The following GNAZ variants were observed in gnomAD, a reference collection of about 807,000 sequenced individuals.
GNAZ encodes guanine nucleotide-binding protein G(z) subunit alpha.
GNAZ carries 3 observed loss-of-function variants against 25.4 expected under a neutral mutation model. That is an observed-to-expected ratio of 0.12 (90% CI 0.05 to 0.30). The LOEUF (loss-of-function observed/expected upper bound fraction) is 0.30, where lower values mean the gene tolerates loss of function less well. Ranked by LOEUF, GNAZ falls within the 10% of genes least tolerant of loss-of-function variation. GNAZ has a pLI of 1.00. For synonymous variants in GNAZ, 211 were observed against 205.7 expected (o/e 1.03, Z -0.22); for missense variants, 241 against 501.8 (o/e 0.48, Z 4.97).
chr22:23,124,645 T>C lies in GNAZ; in HGVS notation c.*1214T>C, dbSNP rs552603708. 25 of 221,456 alleles carry C rather than the reference T, an allele frequency of 1.1e-4. No homozygotes were observed. 13.7% of individuals were successfully genotyped at this position (221,456 alleles called of 1,614,324 possible). A position where few individuals can be genotyped will look rare whatever the true frequency, so the allele number is the denominator to read the frequency against. On this transcript the variant is annotated 3_prime_UTR_variant, in exon 3 of 3. Transcript: ENST00000615612. Reference sequence around the variant, plus strand: ...TGAGTGAAGGAAGGGGAGCAAGGGGTGGTGCCCCTGGTCCCAGCATGCCCC... The same window carrying C: ...TGAGTGAAGGAAGGGGAGCAAGGGGCGGTGCCCCTGGTCCCAGCATGCCCC...
chr22:23,096,686 A>G (rs1486404470), intron 2 of GNAZ, among the ~76,000 whole-genome samples: 1 of 152,176 alleles, frequency 6.6e-6, no homozygotes, highest in East Asian at 1.9e-4. Context: ...GGCATCCATG[A>G]TCAATCCATG....
intron 2 of GNAZ, among the ~76,000 whole-genome samples, chr22:23,103,495 C>T (rs1569177525): frequency 6.6e-6 from 1 of 152,212 alleles, no homozygotes; most frequent in South Asian, 2.1e-4. Context: ...CAGCTCTGAC[C>T]CTGTGGCCGC....
At chr22:23,073,769 C>T (rs927319344) in intron 1 of GNAZ, among the ~76,000 whole-genome samples, 2 of 152,222 alleles carry the variant, frequency 1.3e-5, no homozygotes, top group African/African-American at 2.4e-5. Flanking sequence ...CATTTACCAG[C>T]GCCTGCTGCA....
intron 1 of GNAZ, among the ~76,000 whole-genome samples, chr22:23,094,631 C>T (rs987477993): frequency 6.6e-6 from 1 of 152,226 alleles, no homozygotes; most frequent in East Asian, 1.9e-4. Context: ...GCTTAGGCAC[C>T]TCACGGTGCT....
chr22:23,102,699 C>A (rs769592641), intron 2 of GNAZ, among the ~76,000 whole-genome samples: 2 of 152,258 alleles, frequency 1.3e-5, no homozygotes, highest in Admixed American at 1.3e-4. Context: ...GCATCAGCCA[C>A]CCCTCCATGA....
intron 2 of GNAZ, among the ~76,000 whole-genome samples, chr22:23,100,773 T>G (rs1409230440): frequency 6.6e-6 from 1 of 152,192 alleles, no homozygotes; most frequent in Non-Finnish European, 1.5e-5. Context: ...TCCAGAGCCC[T>G]GGCTTCTGGG....
intron 1 of GNAZ, among the ~76,000 whole-genome samples, chr22:23,087,659 TG>T (rs1030391177): frequency 2.3e-4 from 35 of 152,278 alleles, no homozygotes; most frequent in Non-Finnish European, 4.9e-4. Context: ...ACTTGGTGGA[TG>T]GGGGGTAGCC....
At chr22:23,101,040 AGGC>A (rs1207877126) in intron 2 of GNAZ, among the ~76,000 whole-genome samples, 1 of 152,248 alleles carries the variant, frequency 6.6e-6, no homozygotes, top group African/African-American at 2.4e-5. Context: ...CCAGTAAGAC[AGGC>A]TTATACCTAT....
intron 2 of GNAZ, among the ~76,000 whole-genome samples, chr22:23,106,924 C>T (rs2146348540): frequency 6.6e-6 from 1 of 152,330 alleles, no homozygotes; most frequent in East Asian, 1.9e-4. Context: ...TCACCCCACC[C>T]CCTCCACACT....
chr22:23,072,861 C>T (rs1412954958), intron 1 of GNAZ, among the ~76,000 whole-genome samples: 2 of 152,224 alleles, frequency 1.3e-5, no homozygotes, highest in Non-Finnish European at 2.9e-5. Context: ...TGGCCAGAAC[C>T]TGGTGCAGGA....
At chr22:23,075,039 A>G (rs2068476201) in intron 1 of GNAZ, among the ~76,000 whole-genome samples, 1 of 152,212 alleles carries the variant, frequency 6.6e-6, no homozygotes, top group Admixed American at 6.5e-5. Flanking sequence ...CCAGAACAGC[A>G]ACAGCAGAGC....
chr22:23,102,735 A>C (rs1342215026), intron 2 of GNAZ, among the ~76,000 whole-genome samples: 1 of 152,232 alleles, frequency 6.6e-6, no homozygotes, highest in Non-Finnish European at 1.5e-5. Context: ...GTGTCACTAG[A>C]GGCCATTCCC....
At chr22:23,122,723 G>A (rs1300968542) in intron 2 of GNAZ, 6 of 280,782 alleles carry the variant, frequency 2.1e-5, no homozygotes, top group African/African-American at 4.2e-5. Context: ...GCCTGTGGAT[G>A]GGCAGTGGGA....
In GNAZ at chr22:23,123,407, T is replaced by A; in HGVS notation, c.1044T>A (p.Asn348Lys). Residue 348 changes from asparagine to lysine, a missense_variant, in exon 3 of 3, where the codon AAT becomes AAA. Coordinates refer to ENST00000615612, the MANE Select transcript of GNAZ (RefSeq NM_002073.4). ...TGACAGACGTCATCATACAGAACAA[T>A]CTCAAGTACATTGGCCTTTGCTGAG... is the stretch of plus-strand genomic sequence containing the variant. ...DAVTDVIIQN[N>K]LKYIGLC 6.2e-7 allele frequency: 1 copy of A among 1,613,052 alleles called. No homozygotes were observed. The highest frequency in any genetic ancestry group is 2.2e-5 in the East Asian group (1 of 44,810).
chr22:23,109,559 G>A (rs2069584570), intron 2 of GNAZ, among the ~76,000 whole-genome samples: 1 of 152,186 alleles, frequency 6.6e-6, no homozygotes, highest in Non-Finnish European at 1.5e-5. Context: ...GCCTGTGGCT[G>A]GGCCAGGAGG....
intron 2 of GNAZ, among the ~76,000 whole-genome samples, chr22:23,112,220 T>C (rs1043399687): frequency 6.6e-6 from 1 of 152,218 alleles, no homozygotes; most frequent in East Asian, 1.9e-4. Context: ...TTCTGGTTTC[T>C]GAGGGGCCCT....
At chr22:23,091,561 T>C (rs1858745) in intron 1 of GNAZ, among the ~76,000 whole-genome samples, 52,662 of 145,052 alleles carry the variant, frequency 0.36, 9,952 homozygotes, top group African/African-American at 0.54. Context: ...TATGCATACA[T>C]GCACACGCAC....
intron 1 of GNAZ, among the ~76,000 whole-genome samples, chr22:23,073,322 G>A (rs2068424466): frequency 1.3e-5 from 2 of 152,274 alleles, no homozygotes; most frequent in South Asian, 4.1e-4. Context: ...AGAGGCGTCA[G>A]TGCAGATGCC....
chr22:23,123,556 G>C lies in GNAZ; in HGVS notation c.*125G>C. 1.6e-6 allele frequency: 1 copy of C among 628,874 alleles called. No homozygotes were observed. Among genetic ancestry groups the C allele is most frequent in the Admixed American group, 2.9e-5 (1 of 34,450 alleles). The allele number at this position is 628,874 out of a possible 1,614,324, so 39.0% of individuals were successfully genotyped here. A position where few individuals can be genotyped will look rare whatever the true frequency, so the allele number is the denominator to read the frequency against. ...GCCTAAAGAATGTCCCCCACCCCTT[G>C]GCCTCTGCCTCCTTGGCCCCACATT... On this transcript the variant is annotated 3_prime_UTR_variant, in exon 3 of 3. Coordinates refer to ENST00000615612, the MANE Select transcript of GNAZ (RefSeq NM_002073.4).
Sources: allele counts gnomAD v4.1 joint callset (sites outside exome capture counted in the v4.1 genomes callset), GRCh38; gene constraint gnomAD v4.1.1; transcripts MANE v1.5; gene names NCBI Gene and HGNC (gene_info 2026-07-23, HGNC 2026-07-21).